Variants in SH3RF1 observed in about 807,000 individuals in gnomAD.
SH3RF1 encodes E3 ubiquitin-protein ligase SH3RF1.
In SH3RF1, 32 loss-of-function variants were observed where a neutral mutation model predicts 74.0. The ratio of observed to expected loss-of-function variants is 0.43; its 90% CI spans 0.33 to 0.58. The LOEUF is 0.58. Ranked by LOEUF, SH3RF1 falls within the 20% of genes least tolerant of loss-of-function variation. The pLI is 0.05. For missense variants in SH3RF1, 954 were observed against 1,130.9 expected (o/e 0.84, Z 2.24); for synonymous variants, 396 against 439.6 (o/e 0.90, Z 1.24).
rs530399523 is a variant in SH3RF1 at position 169,260,133 on chromosome 4, T to C, written c.393+8687A>G. On this transcript the variant is annotated intron_variant, in intron 2 of 11. Coordinates refer to ENST00000284637, the MANE Select transcript of SH3RF1 (RefSeq NM_020870.4). ...TGTGCAAAGGAGAGCTGGGGGCTCG[T>C]GGAATGCTGAGAAAAGACCACAGGC... is the stretch of plus-strand genomic sequence containing the variant. Among the ~76,000 whole-genome samples the C allele has an allele frequency of 1.2e-3, 182 of 152,240 alleles. 1 individual carries two copies. Among genetic ancestry groups the C allele is most frequent in the African/African-American group, 4.0e-3 (167 of 41,532 alleles).
intron 2 of SH3RF1, chr4:169,166,302 C>T (rs1449827172): frequency 6.5e-6 from 1 of 153,130 alleles, no homozygotes; most frequent in African/African-American, 2.4e-5. Context: ...AAGCTGGATA[C>T]TAAAGAGAAG....
chr4:169,114,429 T>C (rs1328194489), intron 10 of SH3RF1, among the ~76,000 whole-genome samples: 1 of 152,198 alleles, frequency 6.6e-6, no homozygotes, highest in African/African-American at 2.4e-5. Flanking sequence ...GCTATTAATT[T>C]AATAAAACCT....
chr4:169,229,991 A>G (rs1730709879), intron 2 of SH3RF1, among the ~76,000 whole-genome samples: 1 of 147,224 alleles, frequency 6.8e-6, no homozygotes, highest in Non-Finnish European at 1.5e-5. Flanking sequence ...GGATCACTTG[A>G]GGTCAGGAGT....
intron 4 of SH3RF1, among the ~76,000 whole-genome samples, chr4:169,148,657 T>C (rs1013470192): frequency 6.6e-6 from 1 of 152,194 alleles, no homozygotes; most frequent in Non-Finnish European, 1.5e-5. Context: ...ACACTTAGCA[T>C]GTTCCAGGCA....
intron 2 of SH3RF1, among the ~76,000 whole-genome samples, chr4:169,185,251 T>A (rs578144432): frequency 2.0e-5 from 3 of 152,216 alleles, no homozygotes; most frequent in Admixed American, 6.5e-5. Flanking sequence ...CAATCTGGGA[T>A]CCCACACCTG....
intron 2 of SH3RF1, among the ~76,000 whole-genome samples, chr4:169,206,305 TC>T (rs1218518074): frequency 3.9e-5 from 6 of 152,174 alleles, no homozygotes; most frequent in Non-Finnish European, 7.4e-5. Flanking sequence ...ACTGGATTCA[TC>T]CCCCTTTGCA....
At chr4:169,160,465 A>G (rs1734132904) in intron 2 of SH3RF1, among the ~76,000 whole-genome samples, 1 of 152,240 alleles carries the variant, frequency 6.6e-6, no homozygotes, top group Admixed American at 6.5e-5. Context: ...TGGTTAGCCT[A>G]GGGTTACATT....
At chr4:169,241,514 G>A (rs1730909818) in intron 2 of SH3RF1, among the ~76,000 whole-genome samples, 1 of 152,140 alleles carries the variant, frequency 6.6e-6, no homozygotes, top group Admixed American at 6.5e-5. Context: ...AGGCCTTAGG[G>A]GTTGAGAGCA....
At chr4:169,136,271 C>T in intron 5 of SH3RF1, 47 bp downstream of exon 5, 1 of 1,347,394 alleles carries the variant, frequency 7.4e-7, no homozygotes, top group Non-Finnish European at 9.6e-7. Context: ...TAAGTTGATC[C>T]TTTTGTGGGT....
chr4:169,191,635 C>T (rs1433393717), intron 2 of SH3RF1, among the ~76,000 whole-genome samples: 3 of 152,138 alleles, frequency 2.0e-5, no homozygotes, highest in South Asian at 2.1e-4. Context: ...CATTACCTGA[C>T]TTCAAACTAT....
chr4:169,235,631 C>T (rs867629884), intron 2 of SH3RF1, among the ~76,000 whole-genome samples: 2 of 152,132 alleles, frequency 1.3e-5, no homozygotes, highest in South Asian at 4.2e-4. Context: ...TAATAATATG[C>T]CATATTAATC....
At chr4:169,228,198 G>C (rs1730680240) in intron 2 of SH3RF1, among the ~76,000 whole-genome samples, 1 of 152,094 alleles carries the variant, frequency 6.6e-6, no homozygotes, top group Admixed American at 6.6e-5. Flanking sequence ...GCCTACACAG[G>C]CAGATAGTCT....
At chr4:169,163,822 T>C (rs558410028) in intron 2 of SH3RF1, among the ~76,000 whole-genome samples, 1 of 152,320 alleles carries the variant, frequency 6.6e-6, no homozygotes, top group African/African-American at 2.4e-5. Context: ...CCTCCCCACC[T>C]TGTATATGTA....
intron 2 of SH3RF1, among the ~76,000 whole-genome samples, chr4:169,262,231 CA>C (rs1291030300): frequency 1.3e-5 from 2 of 152,078 alleles, no homozygotes; most frequent in African/African-American, 4.8e-5. Flanking sequence ...AAACTATATG[CA>C]TACACATATA....
chr4:169,210,692 A>C (rs1730343446), intron 2 of SH3RF1, among the ~76,000 whole-genome samples: 1 of 152,230 alleles, frequency 6.6e-6, no homozygotes. Flanking sequence ...GTGTAAAAAG[A>C]CTGTAAACTA....
At chr4:169,134,995 G>A (rs978258963) in intron 5 of SH3RF1, among the ~76,000 whole-genome samples, 1 of 152,156 alleles carries the variant, frequency 6.6e-6, no homozygotes, top group African/African-American at 2.4e-5. Flanking sequence ...TTCAGAAAGT[G>A]AATGCATTTA....
At chr4:169,097,829 C>T (rs1220082291) in intron 11 of SH3RF1, among the ~76,000 whole-genome samples, 1 of 152,202 alleles carries the variant, frequency 6.6e-6, no homozygotes, top group Non-Finnish European at 1.5e-5. Context: ...TCATAAAAGG[C>T]ATTATGGCTT....
chr4:169,153,292 C>G (rs79759514), intron 4 of SH3RF1, among the ~76,000 whole-genome samples: 1 of 152,240 alleles, frequency 6.6e-6, no homozygotes, highest in East Asian at 1.9e-4. Flanking sequence ...CTCCAAACTT[C>G]TAGGAGATAA....
At chr4:169,235,106 T>A (rs1730806063) in intron 2 of SH3RF1, among the ~76,000 whole-genome samples, 1 of 152,194 alleles carries the variant, frequency 6.6e-6, no homozygotes, top group Non-Finnish European at 1.5e-5. Flanking sequence ...ATATATTGAA[T>A]AACTAAACCA....
Sources: allele counts gnomAD v4.1 joint callset (sites outside exome capture counted in the v4.1 genomes callset), GRCh38; gene constraint gnomAD v4.1.1; transcripts MANE v1.5; gene names NCBI Gene and HGNC (gene_info 2026-07-23, HGNC 2026-07-21).